Variants in CDKAL1 observed in about 807,000 individuals in gnomAD.
CDKAL1 encodes CDKAL1 threonylcarbamoyladenosine tRNA methylthiotransferase.
Under a neutral mutation model 68.2 loss-of-function variants are expected in CDKAL1, and 32 were observed. That is an observed-to-expected ratio of 0.47 (90% CI 0.35 to 0.63). The LOEUF (loss-of-function observed/expected upper bound fraction) is 0.63, where lower values mean the gene tolerates loss of function less well. CDKAL1 is among the 30% of genes least tolerant of loss of function. The pLI is 0.00. For missense variants in CDKAL1, 606 were observed against 696.7 expected, an observed-to-expected ratio of 0.87 and a Z score of 1.47; for synonymous variants, 234 against 244.3, an observed-to-expected ratio of 0.96 and a Z score of 0.39.
rs190543471 is a variant in CDKAL1 at position 20,899,383 on chromosome 6, C to T, written c.742+53205C>T. On this transcript the variant is annotated intron_variant, in intron 9 of 15. Transcript: ENST00000274695. Reference sequence around the variant, plus strand: ...CGGCCCTCTAATTCTTTAGCCACCACGCCACAGTACGTCTTGTTAATGAGG... The same window carrying T: ...CGGCCCTCTAATTCTTTAGCCACCATGCCACAGTACGTCTTGTTAATGAGG... 7.4e-4 allele frequency among the ~76,000 whole-genome samples: 112 copies of T among 152,190 alleles called. 1 individual carries two copies. The highest frequency in any genetic ancestry group is 1.1e-3 in the African/African-American group (44 of 41,542).
intron 4 of CDKAL1, among the ~76,000 whole-genome samples, chr6:20,628,047 A>G (rs1767509798): frequency 6.6e-6 from 1 of 152,132 alleles, no homozygotes; most frequent in African/African-American, 2.4e-5. Context: ...GAAAAGAGAC[A>G]GTTTTATTTG....
chr6:21,066,008 C>T (rs1771418611), intron 12 of CDKAL1, among the ~76,000 whole-genome samples: 1 of 151,430 alleles, frequency 6.6e-6, no homozygotes, highest in Non-Finnish European at 1.5e-5. Flanking sequence ...ATTACTTTTG[C>T]ACTAACCTAA....
chr6:20,657,841 AATGTT>A (rs1769096941), intron 5 of CDKAL1, among the ~76,000 whole-genome samples: 1 of 152,102 alleles, frequency 6.6e-6, no homozygotes, highest in South Asian at 2.1e-4. Context: ...AGAAATCTGA[AATGTT>A]ATTGCCCTTA....
intron 11 of CDKAL1, among the ~76,000 whole-genome samples, chr6:21,042,869 C>T (rs552703394): frequency 6.6e-6 from 1 of 152,210 alleles, no homozygotes; most frequent in African/African-American, 2.4e-5. Context: ...GCCCTGCATC[C>T]TATGGTGTTT....
At chr6:21,062,512 A>G (rs1771197996) in intron 11 of CDKAL1, among the ~76,000 whole-genome samples, 1 of 152,214 alleles carries the variant, frequency 6.6e-6, no homozygotes, top group African/African-American at 2.4e-5. Flanking sequence ...AAATATGTTT[A>G]TATCACAATA....
At chr6:20,747,844 C>G (rs891313933) in intron 6 of CDKAL1, among the ~76,000 whole-genome samples, 2 of 152,104 alleles carry the variant, frequency 1.3e-5, no homozygotes, top group African/African-American at 2.4e-5. Flanking sequence ...GATGTAGTCC[C>G]ATTTGTTTAT....
intron 10 of CDKAL1, among the ~76,000 whole-genome samples, chr6:20,966,101 G>A (rs189010180): frequency 4.6e-5 from 7 of 151,992 alleles, no homozygotes; most frequent in African/African-American, 7.3e-5. Context: ...TAGAACAGAC[G>A]GGGGTAATGA....
intron 11 of CDKAL1, among the ~76,000 whole-genome samples, chr6:21,054,423 T>C (rs1350689237): frequency 3.3e-5 from 5 of 152,288 alleles, no homozygotes; most frequent in Non-Finnish European, 7.4e-5. Context: ...AAAATTGTTC[T>C]GATTATTTCA....
intron 6 of CDKAL1, among the ~76,000 whole-genome samples, chr6:20,756,472 CT>C (rs1299299074): frequency 2.0e-5 from 3 of 152,004 alleles, no homozygotes; most frequent in Non-Finnish European, 4.4e-5. Flanking sequence ...CTGTTGGTCA[CT>C]TCCTCCTCTT....
intron 9 of CDKAL1, among the ~76,000 whole-genome samples, chr6:20,910,668 A>G (rs1297863710): frequency 6.6e-6 from 1 of 152,196 alleles, no homozygotes; most frequent in Non-Finnish European, 1.5e-5. Flanking sequence ...GTGTCACCCC[A>G]AAATACATAT....
intron 4 of CDKAL1, chr6:20,559,289 A>G (rs1242857174): frequency 6.6e-6 from 1 of 152,198 alleles, no homozygotes; most frequent in African/African-American, 2.4e-5. Flanking sequence ...TTCACCTTCT[A>G]AAGGGATTAA....
At chr6:20,716,134 C>A (rs1772080353) in intron 5 of CDKAL1, among the ~76,000 whole-genome samples, 1 of 152,122 alleles carries the variant, frequency 6.6e-6, no homozygotes, top group Non-Finnish European at 1.5e-5. Context: ...TTGGTGCACA[C>A]TGTGATGAAT....
At chr6:20,732,441 A>ATTTT (rs35633408) in intron 5 of CDKAL1, among the ~76,000 whole-genome samples, 288 of 119,028 alleles carry the variant, frequency 2.4e-3, no homozygotes, top group African/African-American at 8.1e-3. Context: ...ACACCTGGCT[A>ATTTT]TTTTTTTTTT....
intron 13 of CDKAL1, among the ~76,000 whole-genome samples, chr6:21,122,934 C>T (rs1321585643): frequency 6.6e-6 from 1 of 151,680 alleles, no homozygotes; most frequent in African/African-American, 2.4e-5. Context: ...GCATGAGCCA[C>T]CTCTCCCAGC....
At chr6:21,015,156 G>C (rs1009952303) in intron 11 of CDKAL1, among the ~76,000 whole-genome samples, 2 of 152,174 alleles carry the variant, frequency 1.3e-5, no homozygotes, top group African/African-American at 4.8e-5. Flanking sequence ...ATAATTTCTT[G>C]TCAGAACAAA....
chr6:20,985,904 T>C (rs1766428676), intron 10 of CDKAL1, among the ~76,000 whole-genome samples: 1 of 152,226 alleles, frequency 6.6e-6, no homozygotes, highest in Non-Finnish European at 1.5e-5. Context: ...ACCTTCTTTC[T>C]CATTTTTATA....
intron 13 of CDKAL1, among the ~76,000 whole-genome samples, chr6:21,179,945 C>T (rs751519074): frequency 3.3e-5 from 5 of 152,044 alleles, no homozygotes; most frequent in South Asian, 2.1e-4. Flanking sequence ...TGCTCAAGCC[C>T]GGGAAGTCGA....
chr6:21,057,764 T>G lies in CDKAL1; in HGVS notation c.1056-7284T>G, dbSNP rs1027615306. Among the ~76,000 whole-genome samples the G allele has an allele frequency of 3.3e-5, 5 of 152,350 alleles. No homozygotes were observed. In the South Asian group the frequency reaches 6.2e-4, roughly 19 times the overall value. ...TTTTTAATTTCTACCTTAATTTCAT[T>G]ATTTGCCCAGGAGTCATTCAGGAGC... On this transcript the variant is annotated intron_variant, in intron 11 of 15. Coordinates refer to ENST00000274695, the MANE Select transcript of CDKAL1 (RefSeq NM_017774.3).
chr6:21,102,941 A>C (rs1037865054), intron 12 of CDKAL1, among the ~76,000 whole-genome samples: 4 of 152,236 alleles, frequency 2.6e-5, no homozygotes, highest in Non-Finnish European at 5.9e-5. Flanking sequence ...AGCATGCTGA[A>C]ATGCAAACCC....
Sources: gnomAD v4.1 joint callset for allele counts (sites outside exome capture counted in the v4.1 genomes callset) on GRCh38, gnomAD v4.1.1 for gene constraint, MANE v1.5 for transcripts, NCBI Gene and HGNC (gene_info 2026-07-23, HGNC 2026-07-21) for gene names.